The following ZNF804A variants were observed in gnomAD, a reference collection of about 807,000 sequenced individuals.
ZNF804A encodes zinc finger protein 804A.
ZNF804A carries 2 observed loss-of-function variants against 16.5 expected under a neutral mutation model. The ratio of observed to expected loss-of-function variants is 0.12; its 90% CI spans 0.05 to 0.38. ZNF804A has a LOEUF of 0.38. Among genes scored for constraint, ZNF804A ranks in the 10% least tolerant of loss-of-function variants. The pLI, the probability that ZNF804A is intolerant of heterozygous loss-of-function variation, is 0.99. For missense variants in ZNF804A, 1,473 were observed against 1,390.7 expected (o/e 1.06, Z -0.94); for synonymous variants, 534 against 489.6 (o/e 1.09, Z -1.20).
At chr2:184,848,532 A>G (rs1160419945) in intron 1 of ZNF804A, among the ~76,000 whole-genome samples, 1 of 152,126 alleles carries the variant, frequency 6.6e-6, no homozygotes, top group African/African-American at 2.4e-5. Flanking sequence ...TAGAGAAAAT[A>G]GCATTTTTAA....
chr2:184,660,058 C>T (rs1161551877), intron 1 of ZNF804A, among the ~76,000 whole-genome samples: 2 of 152,190 alleles, frequency 1.3e-5, no homozygotes. Flanking sequence ...CTGCAGTGAG[C>T]TATGATCTTG....
intron 1 of ZNF804A, among the ~76,000 whole-genome samples, chr2:184,632,801 A>G (rs183941918): frequency 1.5e-4 from 23 of 152,316 alleles, no homozygotes; most frequent in Admixed American, 3.9e-4. Flanking sequence ...GAAGACAAAG[A>G]AATGTGTTCC....
chr2:184,871,194 C>A (rs1207558880), intron 2 of ZNF804A, among the ~76,000 whole-genome samples: 1 of 151,682 alleles, frequency 6.6e-6, no homozygotes, highest in Non-Finnish European at 1.5e-5. Flanking sequence ...GCTACCAACA[C>A]CACCCTTGGA....
chr2:184,932,354 A>G (rs1438898294), intron 2 of ZNF804A, among the ~76,000 whole-genome samples: 2 of 152,202 alleles, frequency 1.3e-5, no homozygotes, highest in African/African-American at 4.8e-5. Flanking sequence ...ACAGTTGCAC[A>G]TGGCTAGAAA....
chr2:184,689,593 A>T (rs932361626), intron 1 of ZNF804A, among the ~76,000 whole-genome samples: 2 of 152,102 alleles, frequency 1.3e-5, no homozygotes, highest in African/African-American at 2.4e-5. Flanking sequence ...AATTAGGGCC[A>T]TGCTTTAGGA....
intron 1 of ZNF804A, among the ~76,000 whole-genome samples, chr2:184,855,582 A>G (rs1255507936): frequency 6.7e-6 from 1 of 148,782 alleles, no homozygotes; most frequent in Non-Finnish European, 1.5e-5. Context: ...GTATATATAT[A>G]CTGTAATGTA....
At chr2:184,693,942 T>C (rs1475856952) in intron 1 of ZNF804A, among the ~76,000 whole-genome samples, 1 of 149,940 alleles carries the variant, frequency 6.7e-6, no homozygotes, top group Non-Finnish European at 1.5e-5. Context: ...TTTTTTTTTT[T>C]TTTTTTTGAC....
At chr2:184,641,967 T>C in intron 1 of ZNF804A, among the ~76,000 whole-genome samples, 1 of 152,298 alleles carries the variant, frequency 6.6e-6, no homozygotes, top group South Asian at 2.1e-4. Context: ...ATCTGATAGA[T>C]TTTAGAATCT....
At chr2:184,685,042 C>T (rs1692605756) in intron 1 of ZNF804A, among the ~76,000 whole-genome samples, 1 of 152,030 alleles carries the variant, frequency 6.6e-6, no homozygotes, top group African/African-American at 2.4e-5. Context: ...CAGCCTGGAT[C>T]CTACACCTGC....
chr2:184,870,171 A>G (rs1695952493), intron 2 of ZNF804A, among the ~76,000 whole-genome samples: 1 of 152,050 alleles, frequency 6.6e-6, no homozygotes, highest in Admixed American at 6.6e-5. Context: ...TAGAATCAAA[A>G]TTCATTTTGA....
At chr2:184,710,852 G>A (rs967679914) in intron 1 of ZNF804A, among the ~76,000 whole-genome samples, 3 of 151,634 alleles carry the variant, frequency 2.0e-5, no homozygotes, top group African/African-American at 4.8e-5. Context: ...CTTTGTTAAG[G>A]CTGAATAGTA....
chr2:184,910,414 G>A (rs1326725110), intron 2 of ZNF804A, among the ~76,000 whole-genome samples: 2 of 151,998 alleles, frequency 1.3e-5, no homozygotes, highest in African/African-American at 4.8e-5. Context: ...TTGCTATTGT[G>A]AATAGTGCTG....
chr2:184,658,409 G>T (rs980411892), intron 1 of ZNF804A, among the ~76,000 whole-genome samples: 1 of 152,154 alleles, frequency 6.6e-6, no homozygotes, highest in South Asian at 2.1e-4. Flanking sequence ...GGAGGCAGAG[G>T]TTGCAGTGAG....
At chr2:184,889,484 A>C (rs1369153247) in intron 2 of ZNF804A, among the ~76,000 whole-genome samples, 5 of 152,012 alleles carry the variant, frequency 3.3e-5, no homozygotes, top group Non-Finnish European at 7.4e-5. Context: ...TTTAATTACT[A>C]GTATAAAAAT....
intron 2 of ZNF804A, among the ~76,000 whole-genome samples, chr2:184,875,063 G>A (rs1402711900): frequency 6.6e-6 from 1 of 152,006 alleles, no homozygotes; most frequent in Non-Finnish European, 1.5e-5. Context: ...GTCCCTATTT[G>A]GATAATAAAT....
At chr2:184,605,427 C>A (rs1375752445) in intron 1 of ZNF804A, among the ~76,000 whole-genome samples, 1 of 152,000 alleles carries the variant, frequency 6.6e-6, no homozygotes, top group Non-Finnish European at 1.5e-5. Flanking sequence ...GAAAATGTTA[C>A]AATACATAGT....
rs1324302105 is a variant in ZNF804A at position 184,612,256 on chromosome 2, AT to A, written c.111+13187del. Among the ~76,000 whole-genome samples the A allele has an allele frequency of 1.3e-4, 20 of 152,308 alleles. No homozygotes were observed. The South Asian group carries it at 2.9e-3, about 22-fold the overall frequency. ...AGTGATATTATATAAATAGAAAAAA[AT>A]AGTTGAAAAATATCTGAGATCCAAA... On this transcript the variant is annotated intron_variant, in intron 1 of 3. Coordinates refer to ENST00000302277, the MANE Select transcript of ZNF804A (RefSeq NM_194250.2).
chr2:184,870,683 A>G (rs1024826924), intron 2 of ZNF804A, among the ~76,000 whole-genome samples: 3 of 152,094 alleles, frequency 2.0e-5, no homozygotes, highest in Admixed American at 6.6e-5. Context: ...GGCTAGTGTC[A>G]AAATTCATTT....
rs116701201 is a variant in ZNF804A, at chr2:184,837,083, C to T, written c.112-29286C>T. On this transcript the variant is annotated intron_variant, in intron 1 of 3. Coordinates refer to ENST00000302277, the MANE Select transcript of ZNF804A (RefSeq NM_194250.2). Reference sequence around the variant, plus strand: ...GTAGTCATACTCTTCAGAAGCCTTCCTTGACCCTCCTGTGCTGCAATGAAT... The same window carrying T: ...GTAGTCATACTCTTCAGAAGCCTTCTTTGACCCTCCTGTGCTGCAATGAAT... Among the ~76,000 whole-genome samples the T allele has an allele frequency of 9.1e-3, 1,386 of 152,140 alleles. 23 individuals carry two copies. Among genetic ancestry groups the T allele is most frequent in the African/African-American group, 0.032 (1,325 of 41,524 alleles).
Sources: gnomAD v4.1 joint callset for allele counts (sites outside exome capture counted in the v4.1 genomes callset) on GRCh38, gnomAD v4.1.1 for gene constraint, MANE v1.5 for transcripts, NCBI Gene and HGNC (gene_info 2026-07-23, HGNC 2026-07-21) for gene names.